Variants in KCNN2 observed in about 807,000 individuals in gnomAD.
KCNN2 encodes the protein potassium calcium-activated channel subfamily N member 2.
KCNN2 carries 24 observed loss-of-function variants against 55.5 expected under a neutral mutation model. The observed-to-expected ratio is 0.43, with a 90% CI of 0.31 to 0.61. The LOEUF (loss-of-function observed/expected upper bound fraction) is 0.61, where lower values mean the gene tolerates loss of function less well. KCNN2 is among the 20% of genes least tolerant of loss of function. The pLI, the probability that KCNN2 is intolerant of heterozygous loss-of-function variation, is 0.08. For missense variants in KCNN2, 754 were observed against 853.6 expected, an observed-to-expected ratio of 0.88 and a Z score of 1.45; for synonymous variants, 431 against 336.1, an observed-to-expected ratio of 1.28 and a Z score of -3.09.
chr5:114,385,077 A>G (rs1465457530), intron 2 of KCNN2, among the ~76,000 whole-genome samples: 1 of 152,190 alleles, frequency 6.6e-6, no homozygotes, highest in African/African-American at 2.4e-5. Flanking sequence ...CATTAAAGGT[A>G]TGCAGATGTG....
chr5:114,128,984 T>C (rs1172845032), intron 1 of KCNN2, among the ~76,000 whole-genome samples: 1 of 152,156 alleles, frequency 6.6e-6, no homozygotes, highest in African/African-American at 2.4e-5. Flanking sequence ...TGAAAACAGA[T>C]AGTACATTCA....
At chr5:114,175,216 T>C (rs941355727) in intron 1 of KCNN2, among the ~76,000 whole-genome samples, 1 of 152,266 alleles carries the variant, frequency 6.6e-6, no homozygotes, top group East Asian at 1.9e-4. Context: ...AATTCTTAGA[T>C]TTGGTATTAT....
At chr5:114,295,741 G>T (rs1446520510) in intron 2 of KCNN2, among the ~76,000 whole-genome samples, 1 of 152,148 alleles carries the variant, frequency 6.6e-6, no homozygotes, top group Non-Finnish European at 1.5e-5. Context: ...TCCCTAGTGA[G>T]ATGAACCCGG....
In KCNN2 at chr5:114,210,339, T is replaced by A. The variant is rs536123292; in HGVS notation, c.-270-11141T>A. On this transcript the variant is annotated intron_variant, in intron 1 of 10. Coordinates refer to the KCNN2 transcript ENST00000512097. ...GCAGAATCACACATAATACATGGTATGTATTGAGCTGTCAAGGAAAATGTT... is the reference window on the plus strand; with the variant it reads ...GCAGAATCACACATAATACATGGTAAGTATTGAGCTGTCAAGGAAAATGTT... Among the ~76,000 whole-genome samples the A allele has an allele frequency of 5.4e-4, 82 of 152,284 alleles. 1 individual carries two copies. In the South Asian group the frequency reaches 6.6e-3, roughly 12 times the overall value.
intron 1 of KCNN2, among the ~76,000 whole-genome samples, chr5:114,092,510 C>T (rs952609329): frequency 3.3e-5 from 5 of 152,178 alleles, no homozygotes; most frequent in Non-Finnish European, 5.9e-5. Flanking sequence ...CTCTTCTTCT[C>T]ACAGATCTAC....
At chr5:114,252,119 C>G (rs1028507292) in intron 2 of KCNN2, among the ~76,000 whole-genome samples, 1 of 151,868 alleles carries the variant, frequency 6.6e-6, no homozygotes, top group African/African-American at 2.4e-5. Context: ...CTCAAGTGAT[C>G]CTCCTGCCTC....
intron 3 of KCNN2, among the ~76,000 whole-genome samples, chr5:114,423,719 G>C (rs911444633): frequency 6.6e-6 from 1 of 152,156 alleles, no homozygotes; most frequent in African/African-American, 2.4e-5. Flanking sequence ...TAAACAAACT[G>C]TCATTTGAGA....
At chr5:114,192,070 T>G (rs1170545001) in intron 1 of KCNN2, among the ~76,000 whole-genome samples, 1 of 152,198 alleles carries the variant, frequency 6.6e-6, no homozygotes. Flanking sequence ...ATCATAATGC[T>G]CTGTCTACTT....
At chr5:114,151,076 G>C (rs545526278) in intron 1 of KCNN2, among the ~76,000 whole-genome samples, 226 of 147,058 alleles carry the variant, frequency 1.5e-3, no homozygotes, top group Middle Eastern at 3.4e-3. Flanking sequence ...TTCCTTTCAG[G>C]CACAACTTTT....
intron 3 of KCNN2, among the ~76,000 whole-genome samples, chr5:114,455,302 T>C (rs1198671361): frequency 1.3e-5 from 2 of 152,232 alleles, no homozygotes; most frequent in East Asian, 3.8e-4. Flanking sequence ...TCAAACTTTT[T>C]CATTATTGTA....
chr5:114,491,524 T>TAA (rs1561418399), intron 6 of KCNN2, among the ~76,000 whole-genome samples: 2 of 146,046 alleles, frequency 1.4e-5, no homozygotes, highest in African/African-American at 2.5e-5. Flanking sequence ...TTTTTTTTTT[T>TAA]TAAAAAAAGA....
Position 114,077,840 on chromosome 5 carries a change from G to T in KCNN2, c.-271+21340G>T, listed in dbSNP as rs1386463. Among the ~76,000 whole-genome samples the T allele has an allele frequency of 3.9e-5, 6 of 152,100 alleles. No individual in the cohort carries two copies. In the East Asian group the frequency reaches 5.8e-4, roughly 15 times the overall value. Reference sequence around the variant, plus strand: ...TCATTGTGGCAGAGGATCAGAGAAGGGGGGTGGTGAAGACTTGCTCTTCTC... The same window carrying T: ...TCATTGTGGCAGAGGATCAGAGAAGTGGGGTGGTGAAGACTTGCTCTTCTC... On this transcript the variant is annotated intron_variant, in intron 1 of 10. Transcript: ENST00000512097.
intron 2 of KCNN2, among the ~76,000 whole-genome samples, chr5:114,348,865 G>A (rs975521823): frequency 6.6e-6 from 1 of 151,976 alleles, no homozygotes; most frequent in African/African-American, 2.4e-5. Flanking sequence ...AGTTTTATTT[G>A]GGAATTGCTC....
intron 1 of KCNN2, among the ~76,000 whole-genome samples, chr5:114,101,980 C>T (rs551477701): frequency 3.3e-5 from 5 of 152,230 alleles, no homozygotes; most frequent in East Asian, 1.9e-4. Context: ...AATGGTATTT[C>T]GAGTTCTAGA....
chr5:114,160,316 G>C (rs1305466265), intron 1 of KCNN2, among the ~76,000 whole-genome samples: 4 of 152,190 alleles, frequency 2.6e-5, no homozygotes, highest in Non-Finnish European at 5.9e-5. Flanking sequence ...GAGCGGCTTT[G>C]AGTGAGTTTC....
chr5:114,100,974 T>G (rs1269323088), intron 1 of KCNN2, among the ~76,000 whole-genome samples: 2 of 149,450 alleles, frequency 1.3e-5, no homozygotes, highest in African/African-American at 2.5e-5. Flanking sequence ...TTCAAAATAT[T>G]TATATAATAT....
chr5:114,145,286 A>C (rs1752375190), intron 1 of KCNN2, among the ~76,000 whole-genome samples: 1 of 152,232 alleles, frequency 6.6e-6, no homozygotes, highest in African/African-American at 2.4e-5. Context: ...CCCAATCAAC[A>C]ATGGTATAGT....
chr5:114,157,134 TCCTA>T (rs1447677187), intron 1 of KCNN2, among the ~76,000 whole-genome samples: 19 of 150,424 alleles, frequency 1.3e-4, no homozygotes, highest in African/African-American at 4.2e-4. Flanking sequence ...TAGGTATATC[TCCTA>T]ATGCTATCCC....
At chr5:114,486,442 C>T (rs368697651) in intron 5 of KCNN2, among the ~76,000 whole-genome samples, 9 of 152,334 alleles carry the variant, frequency 5.9e-5, no homozygotes, top group Admixed American at 4.6e-4. Context: ...TTTCACCCTT[C>T]TCATTTGTCC....
Sources: allele counts gnomAD v4.1 joint callset (sites outside exome capture counted in the v4.1 genomes callset), GRCh38; gene constraint gnomAD v4.1.1; transcripts MANE v1.5; gene names NCBI Gene and HGNC (gene_info 2026-07-23, HGNC 2026-07-21).